Variants in DCAF17 observed in about 807,000 individuals in gnomAD.
The protein encoded by DCAF17 is DDB1- and CUL4-associated factor 17.
Under a neutral mutation model 66.0 loss-of-function variants are expected in DCAF17, and 48 were observed. That is an observed-to-expected ratio of 0.73 (90% confidence interval 0.58 to 0.92). DCAF17 has a LOEUF of 0.92. Ranked by LOEUF, DCAF17 falls within the 40% of genes least tolerant of loss-of-function variation. The pLI is 0.00. For synonymous variants in DCAF17, 206 were observed against 214.6 expected (o/e 0.96, Z 0.35); for missense variants, 562 against 622.8 (o/e 0.90, Z 1.04).
intron 4 of DCAF17, 37 bp downstream of exon 4, chr2:171,448,854 T>C (rs752234683): frequency 3.1e-6 from 5 of 1,587,358 alleles, no homozygotes; most frequent in Non-Finnish European, 3.5e-6. Context: ...GATTTTATTT[T>C]AAAAATTTGA....
At position 171,481,112 on chromosome 2, in the gene DCAF17, TAAA is replaced by T. The variant is rs1559295327; in HGVS notation, c.*1_*3del. On this transcript the variant is annotated stop_retained_variant and 3_prime_UTR_variant, in exon 14 of 14. Coordinates refer to ENST00000375255, the MANE Select transcript of DCAF17 (RefSeq NM_025000.4). ...AGAAGAAACCATAAACAGAAGCTGTTAAAAAGAGTGAGATAATTGTAACCTAAG... is the reference window on the plus strand; with the variant it reads ...AGAAGAAACCATAAACAGAAGCTGTTAAGAGTGAGATAATTGTAACCTAAG... 3 of 1,613,598 alleles carry T rather than the reference TAAA, an allele frequency of 1.9e-6. No individual in the cohort carries two copies. The African/African-American group carries it at 4.0e-5, about 22-fold the overall frequency.
At position 171,453,172 on chromosome 2, in the gene DCAF17, C is replaced by A; in HGVS notation, c.586C>A (p.Leu196Ile). 2 of 1,613,180 alleles carry A rather than the reference C, an allele frequency of 1.2e-6. No individual in the cohort carries two copies. Among genetic ancestry groups the A allele is most frequent in the South Asian group, 1.1e-5 (1 of 90,902 alleles). ...GCTGTACCTTGCAGTGTTCCGAGTT[C>A]TACCTTTTTCACTTGTAGGGATTCT... ...VLLYLAVFRV[L>I]PFSLVGILEI... Residue 196 changes from leucine to isoleucine, a missense_variant, in exon 6 of 14, where the codon CTA becomes ATA. This residue lies in a region of DCAF17 where 348 missense variants were observed against 355.9 expected (regional missense o/e 0.98). Transcript: ENST00000375255.
At chr2:171,470,474 CA>C (rs534678763) in intron 9 of DCAF17, among the ~76,000 whole-genome samples, 107 of 152,294 alleles carry the variant, frequency 7.0e-4, no homozygotes, top group Non-Finnish European at 1.1e-3. Context: ...TCATGGCCAT[CA>C]GGGGACAATG....
chr2:171,456,063 T>C (rs1392969103), intron 6 of DCAF17, among the ~76,000 whole-genome samples: 1 of 152,374 alleles, frequency 6.6e-6, no homozygotes, highest in East Asian at 1.9e-4. Context: ...TTGCTTTTGG[T>C]GTTTTCATCA....
chr2:171,442,015 T>G (rs1457533058), intron 2 of DCAF17, among the ~76,000 whole-genome samples: 1 of 151,864 alleles, frequency 6.6e-6, no homozygotes, highest in Non-Finnish European at 1.5e-5. Flanking sequence ...CTGCTTTAAC[T>G]TAAAAAAAAA....
chr2:171,445,313 C>T (rs972373956), intron 3 of DCAF17, among the ~76,000 whole-genome samples: 4 of 152,040 alleles, frequency 2.6e-5, no homozygotes, highest in African/African-American at 4.8e-5. Context: ...TTAGTAGACA[C>T]GGGGTTTCAC....
chr2:171,484,424 G>T lies in DCAF17; in HGVS notation c.*3310G>T, dbSNP rs1466882541. The T allele has an allele frequency of 3.2e-5, 13 of 405,536 alleles. No homozygotes were observed. The Admixed American group carries it at 3.4e-4, about 11-fold the overall frequency. 25.1% of individuals were successfully genotyped at this position (405,536 alleles called of 1,614,324 possible). ...TTGAAAGAATTTTATAGTAAATACT[G>T]ACCACGGGGATTCTACATCTTACTC... On this transcript the variant is annotated 3_prime_UTR_variant, in exon 14 of 14. Coordinates refer to ENST00000375255, the MANE Select transcript of DCAF17 (RefSeq NM_025000.4).
At position 171,481,096 on chromosome 2, in the gene DCAF17, C is replaced by T. The variant is rs749541080; in HGVS notation, c.1545C>T (p.Thr515=). ...GTGACACTGGGGAAGAAGAAGAAAC[C>T]ATAAACAGAAGCTGTTAAAAAGAGT... ...MICDTGEEEE[T]INRSC The change falls in exon 14 of 14, where the codon ACC becomes ACT. Residue 515 remains threonine, a synonymous_variant. Transcript: ENST00000375255. 5 of 1,613,656 alleles carry T rather than the reference C, an allele frequency of 3.1e-6. No homozygotes were observed. The highest frequency in any genetic ancestry group is 4.2e-6 in the Non-Finnish European group (5 of 1,179,630).
At position 171,434,483 on chromosome 2, in the gene DCAF17, C is replaced by T. The variant is rs959382776; in HGVS notation, c.-95C>T. ...CTGGGCCCCGCCGGGAAAGTCTGGG[C>T]CTCGAAATTCGAAGGCAGCGGCGGC... is the stretch of plus-strand genomic sequence containing the variant. On this transcript the variant is annotated 5_prime_UTR_variant, in exon 1 of 14. Coordinates refer to ENST00000375255, the MANE Select transcript of DCAF17 (RefSeq NM_025000.4). 18 of 1,517,468 alleles carry T rather than the reference C, an allele frequency of 1.2e-5. No homozygotes were observed. In the African/African-American group the frequency reaches 2.1e-4, roughly 17 times the overall value. 94.0% of individuals were successfully genotyped at this position (1,517,468 alleles called of 1,614,324 possible).
chr2:171,473,780 C>T (rs769153707), intron 9 of DCAF17, 86 bp from the exon 10 acceptor site: 1 of 1,040,120 alleles, frequency 9.6e-7, no homozygotes, highest in East Asian at 2.5e-5. Context: ...GTACCTTTGA[C>T]CTACTGATCT....
chr2:171,446,597 A>C (rs1694639445), intron 3 of DCAF17, among the ~76,000 whole-genome samples: 1 of 152,118 alleles, frequency 6.6e-6, no homozygotes, highest in Non-Finnish European at 1.5e-5. Context: ...TAATGAATCT[A>C]AGTGATAAAC....
At chr2:171,468,404 A>C (rs1274830023) in intron 8 of DCAF17, among the ~76,000 whole-genome samples, 1 of 152,158 alleles carries the variant, frequency 6.6e-6, no homozygotes, top group African/African-American at 2.4e-5. Flanking sequence ...AGCAAGATAG[A>C]TGTATACCTG....
intron 2 of DCAF17, among the ~76,000 whole-genome samples, chr2:171,437,284 AACTCC>A (rs978807725): frequency 6.6e-6 from 1 of 152,148 alleles, no homozygotes; most frequent in African/African-American, 2.4e-5. Flanking sequence ...GTAGGTATCC[AACTCC>A]ATTTTTTTTA....
Position 171,482,653 on chromosome 2 carries a change from TCA to T in DCAF17, c.*1540_*1541del, listed in dbSNP as rs1696791788. The T allele has an allele frequency of 2.2e-6, 1 of 453,932 alleles. No homozygotes were observed. The allele number at this position is 453,932 out of a possible 1,614,324, so 28.1% of individuals were successfully genotyped here. A position where few individuals can be genotyped will look rare whatever the true frequency, so the allele number is the denominator to read the frequency against. ...TTTCAGAATAGGATGTCTTAAGACT[TCA>T]GTCATGTCAGAGATTTTTTTTTTTA... On this transcript the variant is annotated 3_prime_UTR_variant, in exon 14 of 14. Transcript: ENST00000375255.
In DCAF17 at chr2:171,482,434, T is replaced by C; in HGVS notation, c.*1320T>C. ...ATTCTTCCCAGTTCTGCCCTGGTGC[T>C]AGACATTGCCCCATACTTTCAATTA... On this transcript the variant is annotated 3_prime_UTR_variant, in exon 14 of 14. Coordinates refer to ENST00000375255, the MANE Select transcript of DCAF17 (RefSeq NM_025000.4). 1 of 454,062 alleles carries C rather than the reference T, an allele frequency of 2.2e-6. No individual in the cohort carries two copies. Among genetic ancestry groups the C allele is most frequent in the African/African-American group, 2.0e-5 (1 of 50,118 alleles). 28.1% of individuals were successfully genotyped at this position (454,062 alleles called of 1,614,324 possible).
At chr2:171,480,254 G>A in intron 13 of DCAF17, 61 bp downstream of exon 13, 2 of 1,584,256 alleles carry the variant, frequency 1.3e-6, no homozygotes, top group South Asian at 1.1e-5. Flanking sequence ...CCATTTATTA[G>A]AACAGATGTT....
In DCAF17 at chr2:171,453,167, G is replaced by A. The variant is rs371230892; in HGVS notation, c.581G>A (p.Arg194Gln). The change falls in exon 6 of 14, where the codon CGA (arginine) becomes CAA (glutamine). Residue 194 changes from arginine to glutamine, a missense_variant. This residue lies in a region of DCAF17 where 348 missense variants were observed against 355.9 expected (regional missense o/e 0.98). Coordinates refer to ENST00000375255, the MANE Select transcript of DCAF17 (RefSeq NM_025000.4). ...QHVLLYLAVF[R>Q]VLPFSLVGIL... Reference sequence around the variant, plus strand: ...GTTTTGCTGTACCTTGCAGTGTTCCGAGTTCTACCTTTTTCACTTGTAGGG... The same window carrying A: ...GTTTTGCTGTACCTTGCAGTGTTCCAAGTTCTACCTTTTTCACTTGTAGGG... 117 of 1,613,090 alleles carry A rather than the reference G, an allele frequency of 7.3e-5. No individual in the cohort carries two copies. Among genetic ancestry groups the A allele is most frequent in the East Asian group, 6.7e-4 (30 of 44,844 alleles).
chr2:171,436,274 A>G (rs749064558), intron 2 of DCAF17, among the ~76,000 whole-genome samples: 47 of 152,216 alleles, frequency 3.1e-4, no homozygotes, highest in Non-Finnish European at 4.6e-4. Context: ...TAATGCTGCT[A>G]TAAACATTTC....
At chr2:171,442,797 A>G (rs1464293814) in intron 2 of DCAF17, among the ~76,000 whole-genome samples, 3 of 151,654 alleles carry the variant, frequency 2.0e-5, no homozygotes, top group Non-Finnish European at 4.4e-5. Context: ...GGACAATTAC[A>G]TGAGCCTGGG....
Sources: gnomAD v4.1 joint callset for allele counts (sites outside exome capture counted in the v4.1 genomes callset) on GRCh38, gnomAD v4.1.1 for gene constraint, gnomAD v4.1.1 regional missense constraint, MANE v1.5 for transcripts, NCBI Gene and HGNC (gene_info 2026-07-23, HGNC 2026-07-21) for gene names.